PKD1: variants seen among roughly 807,000 people sequenced by gnomAD.
PKD1 encodes polycystin-1.
In PKD1, 81 loss-of-function variants were observed where a neutral mutation model predicts 361.7. The ratio of observed to expected loss-of-function variants is 0.22; its 90% CI spans 0.19 to 0.27. The LOEUF is 0.27. PKD1 is among the 10% of genes least tolerant of loss of function. PKD1 has a pLI of 1.00. For missense variants in PKD1, 6,399 were observed against 6,118.3 expected (o/e 1.05, Z -1.53); for synonymous variants, 3,615 against 2,818.3 (o/e 1.28, Z -8.95).
Position 2,102,588 on chromosome 16 carries a change from G to T in PKD1, c.8994C>A (p.His2998Gln), listed in dbSNP as rs776013663. ...AGSYHLNLSS[H>Q]FRWSALQVSV... ...ACACCTGCAGCGCCGACCAGCGGAA[G>T]TGGCTGGAGAGGTTCAGATGGTAAC... The change falls in exon 25 of 46, where the codon CAC (histidine) becomes CAA (glutamine). Residue 2998 changes from histidine (H) to glutamine (Q), a missense_variant. By Grantham distance (24) the His-to-Gln change is conservative. Coordinates refer to ENST00000262304, the MANE Select transcript of PKD1 (RefSeq NM_001009944.3). 2 of 1,611,120 alleles carry T rather than the reference G, an allele frequency of 1.2e-6. No homozygotes were observed. The highest frequency in any genetic ancestry group is 1.7e-6 in the Non-Finnish European group (2 of 1,179,734).
At position 2,097,988 on chromosome 16, in the gene PKD1, C is replaced by A; in HGVS notation, c.10051-4G>T. On this transcript the variant is annotated splice_region_variant and splice_polypyrimidine_tract_variant and intron_variant, in intron 30 of 45. Coordinates refer to ENST00000262304, the MANE Select transcript of PKD1 (RefSeq NM_001009944.3). ...TGGGGCTCGGGCTCCCAGCCACCTG[C>A]AGGACGAGGGCAGTGGTCAGCGGGC... The A allele has an allele frequency of 6.4e-7, 1 of 1,553,994 alleles. No individual in the cohort carries two copies. Among genetic ancestry groups the A allele is most frequent in the Non-Finnish European group, 8.8e-7 (1 of 1,132,734 alleles).
Position 2,091,067 on chromosome 16 carries a change from C to A in PKD1, c.11820G>T (p.Leu3940=), listed in dbSNP as rs1483826549. 6.6e-7 allele frequency: 1 copy of A among 1,517,550 alleles called. No homozygotes were observed. Among genetic ancestry groups the A allele is most frequent in the Admixed American group, 2.0e-5 (1 of 49,524 alleles). The allele number at this position is 1,517,550 out of a possible 1,614,324, so 94.0% of individuals were successfully genotyped here. Residue 3940 remains leucine (L), a synonymous_variant, in exon 43 of 46, where the codon CTG becomes CTT. Transcript: ENST00000262304. ...CCGTGGCCGCCGTCAGCGCCACCAG[C>A]AGCCACCGCGCCCAGGCTCCGAGCC... ...VLRLGAWARW[L]LVALTAATAL...
At chr16:2,092,846 T>C (rs1198598437) in intron 38 of PKD1, 108 bp downstream of exon 38, 8 of 1,370,206 alleles carry the variant, frequency 5.8e-6, no homozygotes, top group Non-Finnish European at 8.3e-6. Context: ...CCTCCAGTTC[T>C]AGCAGCCACA....
rs903949574 is a variant in PKD1, at chr16:2,099,868, C to G, written c.9916G>C (p.Ala3306Pro). ...AVWYGAVGDS[A>P]YSTGHVSRLS... ...GACCCCTACGGCACCCACCTGTAGG[C>G]AGAGTCGCCAACAGCCCCGTACCAC... is the stretch of plus-strand genomic sequence containing the variant. Residue 3306 changes from alanine (A) to proline (P), a missense_variant, in exon 29 of 46, where the codon GCC becomes CCC. By Grantham distance (27) the Ala-to-Pro change is conservative. Coordinates refer to ENST00000262304, the MANE Select transcript of PKD1 (RefSeq NM_001009944.3). 1 of 1,567,024 alleles carries G rather than the reference C, an allele frequency of 6.4e-7. No individual in the cohort carries two copies. The highest frequency in any genetic ancestry group is 8.6e-7 in the Non-Finnish European group (1 of 1,157,276).
chr16:2,135,569 G>C lies in PKD1; in HGVS notation c.121C>G (p.Pro41Ala), dbSNP rs1318734922. The change falls in exon 1 of 46, where the codon CCA becomes GCA. Residue 41 changes from proline (P) to alanine (A), a missense_variant. Coordinates refer to ENST00000262304, the MANE Select transcript of PKD1 (RefSeq NM_001009944.3). ...GPCEPPCLCGPAPGAACRVNC... is the reference protein window; with the variant it reads ...GPCEPPCLCGAAPGAACRVNC... Reference sequence around the variant, plus strand: ...ACGCGGCAGGCGGCGCCGGGCGCTGGGCCGCAGAGGCAGGGGGGCTCGCAG... The same window carrying C: ...ACGCGGCAGGCGGCGCCGGGCGCTGCGCCGCAGAGGCAGGGGGGCTCGCAG... 12 of 1,100,572 alleles carry C rather than the reference G, an allele frequency of 1.1e-5. No homozygotes were observed. The highest frequency in any genetic ancestry group is 9.9e-6 in the Non-Finnish European group (9 of 905,060). 68.2% of individuals were successfully genotyped at this position (1,100,572 alleles called of 1,614,324 possible). A position where few individuals can be genotyped will look rare whatever the true frequency, so the allele number is the denominator to read the frequency against.
chr16:2,116,311 C>G (rs1567214378), intron 8 of PKD1, 193 bp from the exon 9 acceptor site: 1 of 688,888 alleles, frequency 1.5e-6, no homozygotes, highest in Non-Finnish European at 2.6e-6. Context: ...CCCTGACCTG[C>G]CTTTCAGGAA....
chr16:2,104,172 A>C (rs1244904112), intron 22 of PKD1, among the ~76,000 whole-genome samples: 1 of 12,226 alleles, frequency 8.2e-5, no homozygotes, highest in East Asian at 1.8e-3. Flanking sequence ...GAAGAAGAGG[A>C]GCAGGGGGAA....
At position 2,106,261 on chromosome 16, in the gene PKD1, G is replaced by C; in HGVS notation, c.7533C>G (p.Ala2511=). 6.2e-7 allele frequency: 1 copy of C among 1,610,224 alleles called. No individual in the cohort carries two copies. The highest frequency in any genetic ancestry group is 2.2e-5 in the East Asian group (1 of 44,866). ...AEDAGAPLVY[A]LLLRRCRQGH... is the part of the protein sequence containing the mutation. ...CCTGGCGACAGCGCCGCAGCAGCAG[G>C]GCGTACACCAGCGGGGCGCCAGCAT... Residue 2511 remains alanine, a synonymous_variant, in exon 19 of 46, where the codon GCC becomes GCG. Transcript: ENST00000262304. This position sits in a 1 kb window ranked among gnomAD's most constrained non-coding sequence, Gnocchi z 6.5.
At position 2,097,336 on chromosome 16, in the gene PKD1, T is replaced by G; in HGVS notation, c.10388A>C (p.Lys3463Thr). Residue 3463 changes from lysine (K) to threonine (T), a missense_variant, in exon 33 of 46, where the codon AAA becomes ACA. By Grantham distance (78) the Lys-to-Thr change is moderately conservative. Coordinates refer to ENST00000262304, the MANE Select transcript of PKD1 (RefSeq NM_001009944.3). Reference sequence around the variant, plus strand: ...CAGCTCACCTGATGCTGAGAAGGATTTGGCAGGCGAGTAGGGGCTGGCCAG... The same window carrying G: ...CAGCTCACCTGATGCTGAGAAGGATGTGGCAGGCGAGTAGGGGCTGGCCAG... ...FSLASPYSPA[K>T]SFSASDEDLI... 1 of 1,612,854 alleles carries G rather than the reference T, an allele frequency of 6.2e-7. No individual in the cohort carries two copies. Among genetic ancestry groups the G allele is most frequent in the South Asian group, 1.1e-5 (1 of 91,070 alleles).
chr16:2,125,241 T>C (rs564976877), intron 1 of PKD1, among the ~76,000 whole-genome samples: 6 of 151,796 alleles, frequency 4.0e-5, no homozygotes, highest in South Asian at 4.2e-4. Context: ...GCTGGGCAGA[T>C]GGCTGCTGGC....
intron 1 of PKD1, chr16:2,120,076 G>A (rs971192891): frequency 1.9e-5 from 11 of 578,872 alleles, no homozygotes; most frequent in Admixed American, 6.2e-5. Context: ...CAGGCATGGC[G>A]GCATGCGCCT....
Position 2,113,155 on chromosome 16 carries a change from A to G in PKD1, c.2985+6T>C. On this transcript the variant is annotated splice_donor_region_variant and intron_variant, in intron 12 of 45. Coordinates refer to ENST00000262304, the MANE Select transcript of PKD1 (RefSeq NM_001009944.3). ...TCCCCTCCCCTCCCCACCCCCGCCC[A>G]CCTACTGAGAGCTTGAAGACCGCCG... 3.4e-6 allele frequency: 1 copy of G among 290,950 alleles called. No homozygotes were observed. The allele number at this position is 290,950 out of a possible 1,614,324, so 18.0% of individuals were successfully genotyped here. A position where few individuals can be genotyped will look rare whatever the true frequency, so the allele number is the denominator to read the frequency against.
rs2092345314 is a variant in PKD1, at chr16:2,106,618, G to A, written c.7269C>T (p.Ser2423=). 1.9e-6 allele frequency: 3 copies of A among 1,598,472 alleles called. No homozygotes were observed. The highest frequency in any genetic ancestry group is 2.5e-6 in the Non-Finnish European group (3 of 1,179,052). ...KTLVLDETTT[S]TGSAGMRLVL... is the part of the protein sequence containing the mutation. ...CCAGTCGCATGCCTGCACTGCCCGT[G>A]GATGTGGTGGTCTCATCCAGCACCA... is the stretch of plus-strand genomic sequence containing the variant. The change falls in exon 18 of 46, where the codon TCC becomes TCT. Residue 2423 remains serine, a synonymous_variant. Coordinates refer to ENST00000262304, the MANE Select transcript of PKD1 (RefSeq NM_001009944.3). This position sits in a 1 kb window ranked among gnomAD's most constrained non-coding sequence, Gnocchi z 6.5.
chr16:2,090,192 G>T lies in PKD1; in HGVS notation c.12447C>A (p.Phe4149Leu). The T allele has an allele frequency of 6.2e-7, 1 of 1,604,982 alleles. No homozygotes were observed. The highest frequency in any genetic ancestry group is 8.5e-7 in the Non-Finnish European group (1 of 1,175,812). The change falls in exon 46 of 46, where the codon TTC becomes TTA. Residue 4149 changes from phenylalanine to leucine, a missense_variant and splice_region_variant. Physicochemically the swap from Phe to Leu is conservative, Grantham distance 22. Coordinates refer to ENST00000262304, the MANE Select transcript of PKD1 (RefSeq NM_001009944.3). ...TCCCTTCAAAGCGGACTTTGTGGCG[G>T]AACTGGGGGCGGCACAGGGGCTCAG... ...LWMGLSKVKE[F>L]RHKVRFEGME...
intron 21 of PKD1, 84 bp from the exon 22 acceptor site, chr16:2,104,726 C>T (rs2092267393): frequency 1.3e-6 from 1 of 775,130 alleles, no homozygotes. Context: ...CCTCACCTGG[C>T]TCCCACCCCC....
In PKD1 at chr16:2,103,516, C is replaced by T; in HGVS notation, c.8541G>A (p.Lys2847=). 1.9e-6 allele frequency: 3 copies of T among 1,606,396 alleles called. No individual in the cohort carries two copies. Among genetic ancestry groups the T allele is most frequent in the Non-Finnish European group, 2.5e-6 (3 of 1,179,712 alleles). The change falls in exon 23 of 46, where the codon AAG becomes AAA. Residue 2847 remains lysine (K), a synonymous_variant. Transcript: ENST00000262304. ...GTGTCTGGAATGCCATCGAGGCCAC[C>T]TTGGTGGAGACGGTGTAGTTGCTGA... The part of the protein sequence containing the change: ...GYISNYTVST[K]VASMAFQTQA...
rs756720009 is a variant in PKD1, at chr16:2,117,964, G to A, written c.1028C>T (p.Ser343Leu). The A allele has an allele frequency of 4.6e-6, 7 of 1,535,278 alleles. No homozygotes were observed. The highest frequency in any genetic ancestry group is 1.8e-6 in the Non-Finnish European group (2 of 1,134,514). ...CTGCACGTCTGTCCCCAGCAGGGCT[G>A]AGCCGGCCCCCAGGGCCAGCACGGC... ...VTAVLALGAG[S>L]ALLGTDVQVE... Residue 343 changes from serine (S) to leucine (L), a missense_variant, in exon 5 of 46, where the codon TCA becomes TTA. Ser to Leu is a moderately radical substitution (Grantham distance 145). Coordinates refer to ENST00000262304, the MANE Select transcript of PKD1 (RefSeq NM_001009944.3).
chr16:2,125,421 A>G lies in PKD1; in HGVS notation c.216-6043T>C, dbSNP rs181463139. On this transcript the variant is annotated intron_variant, in intron 1 of 45. Transcript: ENST00000262304. Reference sequence around the variant, plus strand: ...ACACGGGGTGTGAGACTAGCTGGGGAGCCCCAGGCTCAGCGGCATTCTGTC... The same window carrying G: ...ACACGGGGTGTGAGACTAGCTGGGGGGCCCCAGGCTCAGCGGCATTCTGTC... 2.3e-4 allele frequency among the ~76,000 whole-genome samples: 35 copies of G among 152,218 alleles called. 1 individual carries two copies. The highest frequency in any genetic ancestry group is 3.4e-3 in the Middle Eastern group (1 of 294).
At chr16:2,128,354 G>A (rs1025588786) in intron 1 of PKD1, among the ~76,000 whole-genome samples, 1 of 147,640 alleles carries the variant, frequency 6.8e-6, no homozygotes, top group African/African-American at 2.6e-5. Flanking sequence ...AGGTGGGAGG[G>A]GCTGGCAGCA....
Sources: allele counts gnomAD v4.1 joint callset (sites outside exome capture counted in the v4.1 genomes callset), GRCh38; gene constraint gnomAD v4.1.1; non-coding constraint Gnocchi (gnomAD v3.1); transcripts MANE v1.5; gene names NCBI Gene and HGNC (gene_info 2026-07-23, HGNC 2026-07-21).